The following NDRG4 variants were observed in gnomAD, a reference collection of about 807,000 sequenced individuals.
NDRG4 encodes NDRG family member 4, also known as protein NDRG4.
A neutral mutation model predicts 55.8 loss-of-function variants in NDRG4; 38 were observed. That is an observed-to-expected ratio of 0.68 (90% confidence interval 0.53 to 0.89). The LOEUF is 0.89. NDRG4 is among the 40% of genes least tolerant of loss of function. The probability of loss-of-function intolerance (pLI) is 0.00; values close to 1 mark genes in which losing one functional copy is unlikely to be tolerated. For missense variants in NDRG4, 455 were observed against 468.6 expected (o/e 0.97, Z 0.27); for synonymous variants, 190 against 182.7 (o/e 1.04, Z -0.32).
At chr16:58,481,883 T>C (rs1371819070) in intron 1 of NDRG4, among the ~76,000 whole-genome samples, 1 of 152,174 alleles carries the variant, frequency 6.6e-6, no homozygotes, top group Non-Finnish European at 1.5e-5. Context: ...TCCAGTTCCC[T>C]GGACAGTTCC....
chr16:58,475,560 C>A (rs1210129596), intron 1 of NDRG4: 2 of 453,780 alleles, frequency 4.4e-6, no homozygotes, highest in African/African-American at 2.0e-5. Flanking sequence ...TAACAGAAAA[C>A]CCATGGTAAT....
chr16:58,494,533 C>T (rs1374265106), intron 2 of NDRG4, among the ~76,000 whole-genome samples: 3 of 152,220 alleles, frequency 2.0e-5, no homozygotes, highest in African/African-American at 7.2e-5. Flanking sequence ...CTGTGACAGC[C>T]TCTCTGAGCC....
chr16:58,482,726 TC>T (rs1241092217), intron 1 of NDRG4, among the ~76,000 whole-genome samples: 6 of 120,716 alleles, frequency 5.0e-5, no homozygotes, highest in African/African-American at 9.8e-5. Flanking sequence ...CCTCCCTCCC[TC>T]CCTCCCTTCC....
chr16:58,507,432 C>CA (rs2038187124), intron 8 of NDRG4: 1 of 363,140 alleles, frequency 2.8e-6, no homozygotes. Flanking sequence ...CCCCCTCACT[C>CA]ACGTGCCCTC....
intron 5 of NDRG4, 178 bp from the exon 6 acceptor site, chr16:58,506,209 G>T: frequency 1.5e-6 from 1 of 679,700 alleles, no homozygotes; most frequent in Non-Finnish European, 2.7e-6. Context: ...ATAAATCCAA[G>T]AACTGTGAAG....
rs550658254 is a variant in NDRG4, at chr16:58,506,566, C to G, written c.468C>G (p.Gly156=). ...CGCCCTGCTCCCTGCAGCTCTCCGG[C>G]CTAACTAGCACTTTACCCGACACGG... ...WIDWAATKLS[G]LTSTLPDTVL... is the part of the protein sequence containing the mutation. Residue 156 remains glycine, a synonymous_variant, in exon 7 of 15, where the codon GGC becomes GGG. Coordinates refer to ENST00000570248, the MANE Select transcript of NDRG4 (RefSeq NM_001242835.2). 7.1e-5 allele frequency: 113 copies of G among 1,593,620 alleles called. No individual in the cohort carries two copies. Among genetic ancestry groups the G allele is most frequent in the Non-Finnish European group, 9.4e-5 (110 of 1,172,214 alleles).
At chr16:58,498,991 G>T (rs1011059112), upstream of NDRG4, among the ~76,000 whole-genome samples, 2 of 152,160 alleles carry the variant, frequency 1.3e-5, no homozygotes, top group African/African-American at 4.8e-5. Context: ...AATCTTCATG[G>T]ATTTGGGAGC....
At chr16:58,465,687 C>T (rs954465133) in intron 1 of NDRG4, among the ~76,000 whole-genome samples, 1 of 152,036 alleles carries the variant, frequency 6.6e-6, no homozygotes, top group African/African-American at 2.4e-5. Flanking sequence ...TCGCTTAAGG[C>T]CAGGAGTTCA....
At chr16:58,475,941 T>C (rs1295994160) in intron 1 of NDRG4, among the ~76,000 whole-genome samples, 1 of 152,122 alleles carries the variant, frequency 6.6e-6, no homozygotes, top group Non-Finnish European at 1.5e-5. Flanking sequence ...GGGTTACAGG[T>C]GCTGGCCACC....
At chr16:58,478,091 T>C (rs1320278480) in intron 1 of NDRG4, among the ~76,000 whole-genome samples, 1 of 152,200 alleles carries the variant, frequency 6.6e-6, no homozygotes, top group African/African-American at 2.4e-5. Context: ...GCCAGTACTC[T>C]TCAAAAGTGT....
At chr16:58,489,761 G>T (rs991343624) in intron 2 of NDRG4, among the ~76,000 whole-genome samples, 5 of 152,130 alleles carry the variant, frequency 3.3e-5, no homozygotes, top group Admixed American at 6.6e-5. Flanking sequence ...GAAGGAAGAA[G>T]TTTCTCAGAA....
chr16:58,508,572 C>T (rs959384403), intron 10 of NDRG4, among the ~76,000 whole-genome samples: 1 of 152,172 alleles, frequency 6.6e-6, no homozygotes, highest in South Asian at 2.1e-4. Flanking sequence ...CTGGGAGGTC[C>T]TGGAAGAGCA....
At position 58,485,313 on chromosome 16, in the gene NDRG4, C is replaced by G. The variant is rs572428242; in HGVS notation, c.-23-2443C>G. Among the ~76,000 whole-genome samples, 4 of 152,268 alleles carry G rather than the reference C, an allele frequency of 2.6e-5. No individual in the cohort carries two copies. The South Asian group carries it at 8.3e-4, about 32-fold the overall frequency. On this transcript the variant is annotated intron_variant, in intron 1 of 15. Coordinates refer to the NDRG4 transcript ENST00000258187. ...TGTTTTTCATGGGCTGAGACATTCC[C>G]GGTTCTCTGGATGATGAGGTCTCTC...
intron 1 of NDRG4, among the ~76,000 whole-genome samples, chr16:58,502,730 T>G (rs749500150): frequency 6.6e-6 from 1 of 152,222 alleles, no homozygotes; most frequent in Non-Finnish European, 1.5e-5. Context: ...GCTTGATGTT[T>G]CTTTCATGTC....
Position 58,469,293 on chromosome 16 carries a change from T to A in NDRG4, c.-24+5496T>A, listed in dbSNP as rs1354700488. On this transcript the variant is annotated intron_variant, in intron 1 of 15. Transcript: ENST00000258187. ...CTTCACTGGGGTGCTGTGATGTTGA[T>A]GTGGGGGCACGTACATGGTTTAGTA... Among the ~76,000 whole-genome samples the A allele has an allele frequency of 6.6e-5, 10 of 151,808 alleles. No individual in the cohort carries two copies. In the East Asian group the frequency reaches 1.6e-3, roughly 24 times the overall value.
At chr16:58,491,136 TGTG>T (rs1396210191) in intron 2 of NDRG4, among the ~76,000 whole-genome samples, 1 of 150,576 alleles carries the variant, frequency 6.6e-6, no homozygotes, top group South Asian at 2.1e-4. Context: ...ATTAGCCAGA[TGTG>T]GTGGTGAGCT....
chr16:58,506,018 G>A (rs1020771577), intron 5 of NDRG4: 3 of 356,546 alleles, frequency 8.4e-6, no homozygotes, highest in Non-Finnish European at 1.6e-5. Flanking sequence ...CACGGCGCCT[G>A]GCCAGGGCTT....
downstream of NDRG4, among the ~76,000 whole-genome samples, chr16:58,514,052 C>G (rs2039043833): frequency 6.6e-6 from 1 of 152,240 alleles, no homozygotes; most frequent in South Asian, 2.1e-4. Context: ...TTGCCTGAGT[C>G]ACTACATTCC....
intron 1 of NDRG4, among the ~76,000 whole-genome samples, chr16:58,483,724 T>C (rs1436798875): frequency 1.3e-5 from 2 of 152,252 alleles, no homozygotes; most frequent in Admixed American, 6.5e-5. Context: ...ACTGATCACC[T>C]ATGTGATTTT....
Sources: gnomAD v4.1 joint callset for allele counts (sites outside exome capture counted in the v4.1 genomes callset) on GRCh38, gnomAD v4.1.1 for gene constraint, MANE v1.5 for transcripts, NCBI Gene and HGNC (gene_info 2026-07-23, HGNC 2026-07-21) for gene names.